The following COPG2 variants were observed in gnomAD, a reference collection of about 807,000 sequenced individuals.
COPG2 encodes the protein coatomer subunit gamma-2.
In COPG2, 37 loss-of-function variants were observed where a neutral mutation model predicts 46.3. The observed-to-expected ratio is 0.80, with a 90% CI of 0.61 to 1.05. COPG2 has a LOEUF of 1.05. Ranked by LOEUF, COPG2 falls within the 50% of genes least tolerant of loss-of-function variation. The pLI is 0.00. For missense variants in COPG2, 427 were observed against 387.8 expected (o/e 1.10, Z -0.85); for synonymous variants, 159 against 129.7 (o/e 1.23, Z -1.53).
chr7:130,509,630 A>G (rs782158933), intron 20 of COPG2: 2 of 503,218 alleles, frequency 4.0e-6, no homozygotes, highest in African/African-American at 1.9e-5. Flanking sequence ...GTGACTGTCA[A>G]TACATGTTGA....
At chr7:130,535,290 A>G (rs1004299839) in intron 20 of COPG2, among the ~76,000 whole-genome samples, 28 of 152,128 alleles carry the variant, frequency 1.8e-4, no homozygotes, top group Admixed American at 4.6e-4. Flanking sequence ...GAAGTGGGAC[A>G]ATGAGGCAGC....
chr7:130,577,785 AAAAC>A (rs1794037818), intron 9 of COPG2, among the ~76,000 whole-genome samples: 3 of 146,726 alleles, frequency 2.0e-5, no homozygotes, highest in African/African-American at 5.1e-5. Context: ...AAAAAAAAAA[AAAAC>A]AAAAAAAAAA....
intron 12 of COPG2, among the ~76,000 whole-genome samples, chr7:130,556,616 T>C (rs923750404): frequency 6.6e-6 from 1 of 152,180 alleles, no homozygotes; most frequent in Middle Eastern, 3.2e-3. Context: ...AAATCATTTA[T>C]AAATACCGAT....
chr7:130,533,972 T>A (rs1799853808), intron 20 of COPG2, among the ~76,000 whole-genome samples: 1 of 69,052 alleles, frequency 1.4e-5, no homozygotes, highest in South Asian at 8.8e-4. Context: ...CCTCATGAAT[T>A]TATTGGGGTG....
At chr7:130,528,883 TG>T (rs1799798630) in intron 20 of COPG2, among the ~76,000 whole-genome samples, 3 of 151,684 alleles carry the variant, frequency 2.0e-5, no homozygotes, top group African/African-American at 4.8e-5. Flanking sequence ...TTACCCCAGA[TG>T]GGGCAAAGTG....
chr7:130,668,435 A>G (rs1796141560), intron 1 of COPG2, among the ~76,000 whole-genome samples, 197 bp downstream of exon 1: 2 of 147,824 alleles, frequency 1.4e-5, no homozygotes, highest in African/African-American at 4.9e-5. Flanking sequence ...GCCCGAAGGG[A>G]GGCTCCGGCG....
At chr7:130,643,945 G>A (rs1795542733) in intron 5 of COPG2, among the ~76,000 whole-genome samples, 1 of 152,094 alleles carries the variant, frequency 6.6e-6, no homozygotes, top group Non-Finnish European at 1.5e-5. Context: ...CTCCAGCCTG[G>A]GTGACAGAGA....
chr7:130,572,679 C>T (rs1389566831), intron 9 of COPG2, among the ~76,000 whole-genome samples: 2 of 151,662 alleles, frequency 1.3e-5, no homozygotes, highest in Non-Finnish European at 2.9e-5. Context: ...AAAATGAAAA[C>T]ACAACAAATC....
intron 9 of COPG2, among the ~76,000 whole-genome samples, chr7:130,593,454 A>C (rs1195975758): frequency 2.0e-5 from 3 of 152,244 alleles, no homozygotes; most frequent in African/African-American, 7.2e-5. Context: ...ATGATGCAAA[A>C]CAAGAGCTGG....
intron 9 of COPG2, among the ~76,000 whole-genome samples, chr7:130,572,207 A>AT (rs1793919017): frequency 2.0e-5 from 3 of 152,156 alleles, no homozygotes; most frequent in Non-Finnish European, 4.4e-5. Flanking sequence ...TTATCCATGT[A>AT]ACCAAACACC....
rs144461466 is a variant in COPG2 at position 130,596,607 on chromosome 7, G to C, written c.737+14346C>G. Among the ~76,000 whole-genome samples the C allele has an allele frequency of 2.7e-3, 414 of 152,272 alleles. 1 individual carries two copies. The highest frequency in any genetic ancestry group is 9.5e-3 in the African/African-American group (396 of 41,550). On this transcript the variant is annotated intron_variant, in intron 9 of 23. Transcript: ENST00000425248. Reference sequence around the variant, plus strand: ...CCTGGACACCAAGGCAGCCAGCCAAGGGAACATGGACAACTGTCTCCCCGG... The same window carrying C: ...CCTGGACACCAAGGCAGCCAGCCAACGGAACATGGACAACTGTCTCCCCGG...
At chr7:130,594,125 TCAAA>T (rs1474044265) in intron 9 of COPG2, among the ~76,000 whole-genome samples, 12 of 151,862 alleles carry the variant, frequency 7.9e-5, no homozygotes, top group Admixed American at 2.0e-4. Context: ...TGGGTAAAAC[TCAAA>T]CAAATATTTC....
chr7:130,511,848 A>T, intron 20 of COPG2: 1 of 519,500 alleles, frequency 1.9e-6, no homozygotes, highest in South Asian at 1.4e-5. Context: ...ACTAGCTCTT[A>T]AAGCTTTTGA....
intron 9 of COPG2, among the ~76,000 whole-genome samples, chr7:130,596,453 T>C (rs1330050609): frequency 6.6e-6 from 1 of 152,218 alleles, no homozygotes; most frequent in Non-Finnish European, 1.5e-5. Context: ...TTTTACTTGG[T>C]AATAAATATT....
At chr7:130,608,131 T>G (rs946494515) in intron 9 of COPG2, 2 of 382,368 alleles carry the variant, frequency 5.2e-6, no homozygotes, top group East Asian at 7.5e-5. Flanking sequence ...AAAGATTTTT[T>G]TGTTAGTTAT....
intron 21 of COPG2, chr7:130,508,324 G>GA (rs1368085817): frequency 1.1e-4 from 42 of 395,176 alleles, no homozygotes; most frequent in South Asian, 1.9e-4. Context: ...CTATTATAAA[G>GA]AAAAAAAAGG....
chr7:130,659,799 C>T (rs186626722), intron 4 of COPG2, among the ~76,000 whole-genome samples: 1 of 152,168 alleles, frequency 6.6e-6, no homozygotes, highest in East Asian at 1.9e-4. Context: ...ACAGTCCCAG[C>T]TACTCCAGAG....
At chr7:130,606,200 T>C (rs1554451205) in intron 9 of COPG2, among the ~76,000 whole-genome samples, 2 of 146,102 alleles carry the variant, frequency 1.4e-5, no homozygotes, top group African/African-American at 5.1e-5. Context: ...TACTCCAGCC[T>C]GGGCAGCAGA....
chr7:130,522,622 G>A (rs1035235236), intron 20 of COPG2, among the ~76,000 whole-genome samples: 1 of 152,046 alleles, frequency 6.6e-6, no homozygotes, highest in Non-Finnish European at 1.5e-5. Context: ...GAAGAATGGG[G>A]TGGAAGGATG....
Sources: allele counts gnomAD v4.1 joint callset (sites outside exome capture counted in the v4.1 genomes callset), GRCh38; gene constraint gnomAD v4.1.1; transcripts MANE v1.5; gene names NCBI Gene and HGNC (gene_info 2026-07-23, HGNC 2026-07-21).